HDAC4: variants seen among roughly 807,000 people sequenced by gnomAD.
HDAC4 encodes histone deacetylase 4.
A neutral mutation model predicts 135.1 loss-of-function variants in HDAC4; 16 were observed. The observed-to-expected ratio is 0.12, with a 90% CI of 0.08 to 0.18. The LOEUF is 0.18. Ranked by LOEUF, HDAC4 falls within the 10% of genes least tolerant of loss-of-function variation. The pLI is 1.00. For missense variants in HDAC4, 1,143 were observed against 1,511.8 expected, an observed-to-expected ratio of 0.76 and a Z score of 4.05; for synonymous variants, 685 against 653.4, an observed-to-expected ratio of 1.05 and a Z score of -0.74.
At chr2:239,120,440 CA>C (rs1166715920) in intron 12 of HDAC4, among the ~76,000 whole-genome samples, 6 of 47,396 alleles carry the variant, frequency 1.3e-4, no homozygotes, top group Non-Finnish European at 3.2e-4. Context: ...CACAAATAGA[CA>C]GACATGCAGA....
chr2:239,378,535 C>T (rs1575778993), intron 1 of HDAC4, among the ~76,000 whole-genome samples: 1 of 152,270 alleles, frequency 6.6e-6, no homozygotes, highest in Non-Finnish European at 1.5e-5. Context: ...AGGTCCCTGT[C>T]CTCACCTCCC....
At chr2:239,077,726 G>A (rs945255205) in intron 22 of HDAC4, among the ~76,000 whole-genome samples, 2 of 152,164 alleles carry the variant, frequency 1.3e-5, no homozygotes, top group Non-Finnish European at 2.9e-5. Flanking sequence ...TGTGTGCAGC[G>A]GGTGCCACTC....
chr2:239,285,590 C>T lies in HDAC4; in HGVS notation c.23-48926G>A, dbSNP rs2051094444. Among the ~76,000 whole-genome samples, 1 of 152,184 alleles carries T rather than the reference C, an allele frequency of 6.6e-6. No homozygotes were observed. The highest frequency in any genetic ancestry group is 6.5e-5 in the Admixed American group (1 of 15,284). Reference sequence around the variant, plus strand: ...GGCCAAAGGTTGGGCTTTTGAAGTACTAGAAACTTCCTCTTCTGGGGACGT... The same window carrying T: ...GGCCAAAGGTTGGGCTTTTGAAGTATTAGAAACTTCCTCTTCTGGGGACGT... On this transcript the variant is annotated intron_variant, in intron 2 of 26. Coordinates refer to ENST00000543185, the MANE Select transcript of HDAC4 (RefSeq NM_001378414.1). This position sits in a 1 kb window ranked among gnomAD's most constrained non-coding sequence, Gnocchi z 4.5.
chr2:239,346,685 G>A (rs1692704684), intron 2 of HDAC4, among the ~76,000 whole-genome samples: 1 of 143,554 alleles, frequency 7.0e-6, no homozygotes, highest in South Asian at 2.3e-4. Flanking sequence ...CACACACACT[G>A]TCTAAAACAC....
chr2:239,138,797 C>T (rs1014601027), intron 9 of HDAC4, among the ~76,000 whole-genome samples: 1 of 152,190 alleles, frequency 6.6e-6, no homozygotes, highest in Admixed American at 6.5e-5. Flanking sequence ...TGGCACAAGG[C>T]GCTCGGGACA....
intron 1 of HDAC4, among the ~76,000 whole-genome samples, chr2:239,354,373 C>A (rs528458631): frequency 6.6e-6 from 1 of 152,076 alleles, no homozygotes; most frequent in Non-Finnish European, 1.5e-5. Flanking sequence ...CTGAGCTCAT[C>A]AAGTTCTCTT....
chr2:239,127,617 C>A (rs2040284421), intron 11 of HDAC4, among the ~76,000 whole-genome samples: 1 of 152,166 alleles, frequency 6.6e-6, no homozygotes, highest in Non-Finnish European at 1.5e-5. Context: ...TAAAAATGAC[C>A]CTGACCCGCT....
intron 2 of HDAC4, among the ~76,000 whole-genome samples, chr2:239,271,125 T>C (rs2050035086): frequency 6.6e-6 from 1 of 152,056 alleles, no homozygotes; most frequent in South Asian, 2.1e-4. Context: ...TTTTTTGGTG[T>C]TTTTTGAGAC....
intron 12 of HDAC4, among the ~76,000 whole-genome samples, chr2:239,121,935 C>T (rs1020466384): frequency 6.6e-5 from 10 of 152,168 alleles, no homozygotes; most frequent in East Asian, 3.9e-4. Context: ...GGAGGTGAGC[C>T]GGACGCGGGC....
At chr2:239,105,588 A>G (rs1238405076) in intron 15 of HDAC4, among the ~76,000 whole-genome samples, 1 of 151,796 alleles carries the variant, frequency 6.6e-6, no homozygotes, top group African/African-American at 2.4e-5. Context: ...ATCCTTCCTC[A>G]CCACGCGAAG....
chr2:239,337,315 C>G (rs1692002135), intron 2 of HDAC4, among the ~76,000 whole-genome samples: 1 of 152,136 alleles, frequency 6.6e-6, no homozygotes, highest in Non-Finnish European at 1.5e-5. Flanking sequence ...TCCGGGAAGG[C>G]AGAAAACGTC....
chr2:239,144,568 G>A lies in HDAC4; in HGVS notation c.865+15C>T, dbSNP rs779841897. On this transcript the variant is annotated intron_variant, in intron 8 of 26. Transcript: ENST00000543185. The stretch of plus-strand genomic sequence containing the variant: ...AGAGGGCAGCGGGGCGGGTGTACCT[G>A]CTCAGCCGACATACCTGTGACATCC... 6 of 1,612,998 alleles carry A rather than the reference G, an allele frequency of 3.7e-6. No homozygotes were observed. Among genetic ancestry groups the A allele is most frequent in the African/African-American group, 1.3e-5 (1 of 74,896 alleles).
intron 12 of HDAC4, among the ~76,000 whole-genome samples, chr2:239,116,845 C>G (rs1298322947): frequency 1.3e-5 from 2 of 152,218 alleles, no homozygotes; most frequent in African/African-American, 2.4e-5. Flanking sequence ...TCCAGCCACT[C>G]CAAGAGGCTT....
intron 2 of HDAC4, among the ~76,000 whole-genome samples, chr2:239,279,086 G>A (rs1439124683): frequency 1.3e-5 from 2 of 152,268 alleles, no homozygotes; most frequent in East Asian, 3.8e-4. Flanking sequence ...GTGGTTGGAG[G>A]TAATGGGGCA....
At position 239,095,028 on chromosome 2, in the gene HDAC4, G is replaced by A. The variant is rs767448552; in HGVS notation, c.2262C>T (p.Leu754=). The A allele has an allele frequency of 1.3e-5, 21 of 1,613,816 alleles. No homozygotes were observed. In the South Asian group the frequency reaches 1.9e-4, roughly 14 times the overall value. The change falls in exon 17 of 27, where the codon CTC becomes CTT. Residue 754 remains leucine (L), a synonymous_variant. Transcript: ENST00000543185. ...LGSLASVFVR[L]PCGGVGVDSD... ...CACTTACCCCAACACCACCGCAAGG[G>A]AGCCGGACGAACACGGAGGCGAGCG...
chr2:239,366,699 C>T (rs1211983355), intron 1 of HDAC4, among the ~76,000 whole-genome samples: 2 of 152,156 alleles, frequency 1.3e-5, no homozygotes, highest in Admixed American at 6.5e-5. Context: ...CGGTGTGAAA[C>T]GCTGGGCTCA....
intron 3 of HDAC4, among the ~76,000 whole-genome samples, chr2:239,193,735 AG>A (rs1353441200): frequency 6.6e-6 from 1 of 152,208 alleles, no homozygotes; most frequent in Non-Finnish European, 1.5e-5. Context: ...CTCAGGACAA[AG>A]TGGGGAAGGC....
At chr2:239,252,985 T>G (rs1575531224) in intron 2 of HDAC4, among the ~76,000 whole-genome samples, 1 of 152,228 alleles carries the variant, frequency 6.6e-6, no homozygotes, top group Admixed American at 6.5e-5. Flanking sequence ...CGGCCCGCAC[T>G]GCACACTTCC....
intron 11 of HDAC4, among the ~76,000 whole-genome samples, chr2:239,129,326 T>G (rs898507726): frequency 3.3e-5 from 5 of 152,222 alleles, no homozygotes; most frequent in Non-Finnish European, 5.9e-5. Context: ...CAAGAGCTTC[T>G]GATGACAGAC....
Sources: allele counts gnomAD v4.1 joint callset (sites outside exome capture counted in the v4.1 genomes callset), GRCh38; gene constraint gnomAD v4.1.1; non-coding constraint Gnocchi (gnomAD v3.1); transcripts MANE v1.5; gene names NCBI Gene and HGNC (gene_info 2026-07-23, HGNC 2026-07-21).